ACCS: variants seen among roughly 807,000 people sequenced by gnomAD.
ACCS encodes 1-aminocyclopropane-1-carboxylate synthase homolog (inactive), also known as 1-aminocyclopropane-1-carboxylate synthase-like protein 1.
In ACCS, 42 loss-of-function variants were observed where a neutral mutation model predicts 59.8. The observed-to-expected ratio is 0.70, with a 90% CI of 0.55 to 0.91. The LOEUF is 0.91. Ranked by LOEUF, ACCS falls within the 40% of genes least tolerant of loss-of-function variation. The pLI, the probability that ACCS is intolerant of heterozygous loss-of-function variation, is 0.00. For synonymous variants in ACCS, 230 were observed against 240.3 expected (o/e 0.96, Z 0.40); for missense variants, 602 against 630.4 (o/e 0.95, Z 0.48).
In ACCS at chr11:44,083,544, G is replaced by T. The variant is rs146328969; in HGVS notation, c.1375G>T (p.Val459Phe). 1.8e-5 allele frequency: 29 copies of T among 1,614,132 alleles called. No individual in the cohort carries two copies. The African/African-American group carries it at 3.1e-4, about 17-fold the overall frequency. Residue 459 changes from valine to phenylalanine, a missense_variant, in exon 14 of 15, where the codon GTC becomes TTC. Coordinates refer to ENST00000263776, the MANE Select transcript of ACCS (RefSeq NM_032592.4). ...ECKEPGWFRF[V>F]FSDQVHRLCL... ...TAAAGAGCCTGGTTGGTTTCGCTTT[G>T]TCTTCTCAGACCAGGTCCACCGGCT... is the stretch of plus-strand genomic sequence containing the variant.
chr11:44,077,570 G>C, intron 7 of ACCS, 194 bp downstream of exon 7: 1 of 1,440,626 alleles, frequency 6.9e-7, no homozygotes, highest in Non-Finnish European at 9.1e-7. Context: ...GAGATCCCTG[G>C]GGTTGATGTA....
At chr11:44,077,185 G>T in intron 6 of ACCS, 94 bp from the exon 7 acceptor site, 1 of 1,392,150 alleles carries the variant, frequency 7.2e-7, no homozygotes, top group Non-Finnish European at 9.7e-7. Flanking sequence ...CCCCAAAGAA[G>T]TTAAAGGCTT....
chr11:44,073,899 G>A (rs969808661), intron 4 of ACCS, among the ~76,000 whole-genome samples: 1 of 152,174 alleles, frequency 6.6e-6, no homozygotes, highest in Non-Finnish European at 1.5e-5. Flanking sequence ...ATTGCTGTTC[G>A]GGGAGCTGGC....
rs896431770 is a variant in ACCS, at chr11:44,081,189, T to C, written c.980T>C (p.Met327Thr). The change falls in exon 12 of 15, where the codon ATG becomes ACG. Residue 327 changes from methionine (M) to threonine (T), a missense_variant. Physicochemically the swap from Met to Thr is moderately conservative, Grantham distance 81. Coordinates refer to ENST00000263776, the MANE Select transcript of ACCS (RefSeq NM_032592.4). ...VMWATSKDFG[M>T]SGLRFGTLYT... ...TGCTTCTTCCTGCAGGACTTCGGGA[T>C]GTCTGGGCTCCGCTTTGGCACGCTG... The C allele has an allele frequency of 4.3e-6, 7 of 1,614,224 alleles. No homozygotes were observed. Among genetic ancestry groups the C allele is most frequent in the Non-Finnish European group, 5.9e-6 (7 of 1,180,036 alleles).
rs1366029889 is a variant in ACCS at position 44,078,875 on chromosome 11, C to G, written c.833+91C>G. ...TGCAGGTTTTTCTACTCTCTTGACC[C>G]CACTGTGGGCTGCTACTTGCTTGGG... On this transcript the variant is annotated intron_variant, in intron 9 of 14. Coordinates refer to ENST00000263776, the MANE Select transcript of ACCS (RefSeq NM_032592.4). The G allele has an allele frequency of 2.8e-6, 3 of 1,058,672 alleles. No individual in the cohort carries two copies. In the Admixed American group the frequency reaches 6.5e-5, roughly 23 times the overall value. 65.6% of individuals were successfully genotyped at this position (1,058,672 alleles called of 1,614,324 possible).
intron 3 of ACCS, 120 bp from the exon 4 acceptor site, chr11:44,073,327 C>A: frequency 1.2e-6 from 1 of 827,622 alleles, no homozygotes. Flanking sequence ...AGCTGTCACT[C>A]TCTGCCCCTC....
intron 2 of ACCS, among the ~76,000 whole-genome samples, chr11:44,069,542 C>G (rs1304275884): frequency 2.6e-5 from 4 of 152,196 alleles, no homozygotes; most frequent in Non-Finnish European, 5.9e-5. Context: ...TCCACGCCAC[C>G]ACGCCCAGCC....
At chr11:44,074,782 C>CTTTCTTTCTTTCTTTCTTTCTTTCTTTT (rs1953263783) in intron 5 of ACCS, 101 bp downstream of exon 5, 1 of 225,344 alleles carries the variant, frequency 4.4e-6, no homozygotes, top group African/African-American at 1.4e-4. Flanking sequence ...CTTTTTCTCT[C>CTTTCTTTCTTTCTTTCTTTCTTTCTTTT]TCTCTCTCTT....
chr11:44,071,274 A>G lies in ACCS; in HGVS notation c.307A>G (p.Thr103Ala), dbSNP rs943163475. 7 of 1,613,994 alleles carry G rather than the reference A, an allele frequency of 4.3e-6. No individual in the cohort carries two copies. Among genetic ancestry groups the G allele is most frequent in the African/African-American group, 4.0e-5 (3 of 74,902 alleles). Residue 103 changes from threonine to alanine, a missense_variant, in exon 3 of 15, where the codon ACC becomes GCC. By Grantham distance (58) the Thr-to-Ala change is moderately conservative. Coordinates refer to ENST00000263776, the MANE Select transcript of ACCS (RefSeq NM_032592.4). Reference sequence around the variant, plus strand: ...TCTCCAGGGCATCATTAACTTGGGCACCAGTGAGAACAAACTCTGCTTTGA... The same window carrying G: ...TCTCCAGGGCATCATTAACTTGGGCGCCAGTGAGAACAAACTCTGCTTTGA... Reference protein sequence around the residue: ...KNPSGIINLGTSENKLCFDLL... With the variant: ...KNPSGIINLGASENKLCFDLL...
chr11:44,075,498 C>A, intron 5 of ACCS, 28 bp from the exon 6 acceptor site: 1 of 1,612,208 alleles, frequency 6.2e-7, no homozygotes, highest in Non-Finnish European at 8.5e-7. Flanking sequence ...ACTGGTTCAT[C>A]TTCATCCCTT....
At chr11:44,070,901 C>T (rs1209864757) in intron 2 of ACCS, among the ~76,000 whole-genome samples, 1 of 152,172 alleles carries the variant, frequency 6.6e-6, no homozygotes, top group Non-Finnish European at 1.5e-5. Flanking sequence ...AGCTTACCCT[C>T]AGTACGGGAG....
intron 11 of ACCS, 51 bp from the exon 12 acceptor site, chr11:44,081,128 C>T: frequency 6.2e-7 from 1 of 1,614,174 alleles, no homozygotes; most frequent in Non-Finnish European, 8.5e-7. Flanking sequence ...TGGGTGGAAC[C>T]AGCTTCCTCC....
chr11:44,078,807 C>T lies in ACCS; in HGVS notation c.833+23C>T, dbSNP rs202245596. Reference sequence around the variant, plus strand: ...GAGGTGAGGCACCCCACACTGGCCCCGACAGAGCGTCTGGGCAGCCTGGGG... The same window carrying T: ...GAGGTGAGGCACCCCACACTGGCCCTGACAGAGCGTCTGGGCAGCCTGGGG... On this transcript the variant is annotated intron_variant, in intron 9 of 14. Transcript: ENST00000263776. 111 of 1,601,962 alleles carry T rather than the reference C, an allele frequency of 6.9e-5. No individual in the cohort carries two copies. In the East Asian group the frequency reaches 8.0e-4, roughly 12 times the overall value.
chr11:44,077,128 T>A (rs1953401787), intron 6 of ACCS, 151 bp from the exon 7 acceptor site: 1 of 826,500 alleles, frequency 1.2e-6, no homozygotes, highest in South Asian at 2.2e-5. Flanking sequence ...GATCCAAGCT[T>A]TCCAAAGTGT....
chr11:44,077,533 C>T lies in ACCS; in HGVS notation c.654+157C>T, dbSNP rs566902351. 1,172 of 1,453,332 alleles carry T rather than the reference C, an allele frequency of 8.1e-4. 3 individuals are homozygous for T. Among genetic ancestry groups the T allele is most frequent in the Non-Finnish European group, 1.0e-3 (1,138 of 1,109,284 alleles). 90.0% of individuals were successfully genotyped at this position (1,453,332 alleles called of 1,614,324 possible). A position where few individuals can be genotyped will look rare whatever the true frequency, so the allele number is the denominator to read the frequency against. The stretch of plus-strand genomic sequence containing the variant: ...TGCATGGCTGCCTGTGCCTGGGTTC[C>T]CCAGTGGCTCCAAAGTTCCAGTCTC... On this transcript the variant is annotated intron_variant, in intron 7 of 14. Transcript: ENST00000263776.
intron 12 of ACCS, among the ~76,000 whole-genome samples, chr11:44,082,848 A>G (rs945653449): frequency 1.3e-5 from 2 of 152,146 alleles, no homozygotes; most frequent in Non-Finnish European, 2.9e-5. Context: ...CTGTGGGACT[A>G]CAGAGCATCA....
At position 44,081,166 on chromosome 11, in the gene ACCS, C is replaced by T; in HGVS notation, c.970-13C>T. 1 of 1,614,226 alleles carries T rather than the reference C, an allele frequency of 6.2e-7. No individual in the cohort carries two copies. Among genetic ancestry groups the T allele is most frequent in the Middle Eastern group, 1.6e-4 (1 of 6,062 alleles). On this transcript the variant is annotated splice_polypyrimidine_tract_variant and intron_variant, in intron 11 of 14. Coordinates refer to ENST00000263776, the MANE Select transcript of ACCS (RefSeq NM_032592.4). ...GGAGGGCTGGCCACCGCCTAGGGTG[C>T]TTCTTCCTGCAGGACTTCGGGATGT... is the stretch of plus-strand genomic sequence containing the variant.
intron 3 of ACCS, chr11:44,072,148 T>TTTA (rs1554991849): frequency 6.8e-6 from 1 of 147,786 alleles, no homozygotes; most frequent in Non-Finnish European, 1.5e-5. Flanking sequence ...AGGGAATAGA[T>TTTA]TTTATTTATT....
intron 8 of ACCS, chr11:44,078,267 G>A (rs1565180133): frequency 1.5e-5 from 5 of 332,090 alleles, no homozygotes; most frequent in East Asian, 5.7e-5. Flanking sequence ...GTTTGAGGGG[G>A]CAACCTTGCT....
Sources: allele counts gnomAD v4.1 joint callset (sites outside exome capture counted in the v4.1 genomes callset), GRCh38; gene constraint gnomAD v4.1.1; transcripts MANE v1.5; gene names NCBI Gene and HGNC (gene_info 2026-07-23, HGNC 2026-07-21).